The following DKK3 variants were observed in gnomAD, a reference collection of about 807,000 sequenced individuals.
DKK3 encodes dickkopf Wnt signaling pathway inhibitor 3, also known as dickkopf-related protein 3.
DKK3 carries 22 observed loss-of-function variants against 33.2 expected under a neutral mutation model. The observed-to-expected ratio is 0.66, with a 90% CI of 0.47 to 0.95. The LOEUF (loss-of-function observed/expected upper bound fraction) is 0.95, where lower values mean the gene tolerates loss of function less well. DKK3 is among the 40% of genes least tolerant of loss of function. DKK3 has a pLI of 0.00. For missense variants in DKK3, 398 were observed against 458.4 expected, an observed-to-expected ratio of 0.87 and a Z score of 1.20; for synonymous variants, 194 against 188.8, an observed-to-expected ratio of 1.03 and a Z score of -0.23.
chr11:12,002,534 A>G, intron 1 of DKK3, 97 bp from the exon 2 acceptor site: 1 of 1,329,320 alleles, frequency 7.5e-7, no homozygotes, highest in Non-Finnish European at 1.0e-6. Context: ...TTCTGCAATT[A>G]CAAAGAATGA....
intron 3 of DKK3, among the ~76,000 whole-genome samples, chr11:11,981,585 T>C (rs375889728): frequency 7.2e-5 from 11 of 152,126 alleles, no homozygotes; most frequent in African/African-American, 2.7e-4. Context: ...TCTCAGAGCT[T>C]GGCAGGTATC....
rs528288351 is a variant in DKK3, at chr11:11,976,470, G to A, written c.436-7983C>T. Among the ~76,000 whole-genome samples the A allele has an allele frequency of 3.0e-4, 45 of 152,386 alleles. 1 individual carries two copies. The highest frequency in any genetic ancestry group is 3.4e-3 in the Middle Eastern group (1 of 294). ...AGAGAAGCCCCATTTGACAGATGAGGAAACTGAGACAGTACAATGAAGTCA... is the reference window on the plus strand; with the variant it reads ...AGAGAAGCCCCATTTGACAGATGAGAAAACTGAGACAGTACAATGAAGTCA... On this transcript the variant is annotated intron_variant, in intron 3 of 6. Transcript: ENST00000683431.
intron 3 of DKK3, chr11:11,968,773 G>A (rs180972267): frequency 1.3e-4 from 38 of 301,428 alleles, no homozygotes; most frequent in Admixed American, 5.6e-4. Flanking sequence ...CACCCAGGGC[G>A]GGAGCACAGG....
rs778524278 is a variant in DKK3 at position 11,965,794 on chromosome 11, G to C, written c.830+15C>G. ...AGCCCTTGGCTCCCTGAGAGTGAGG[G>C]TTAGGGGGCCTCACCTGTGGGGCTG... is the stretch of plus-strand genomic sequence containing the variant. On this transcript the variant is annotated intron_variant, in intron 6 of 6. Coordinates refer to ENST00000683431, the MANE Select transcript of DKK3 (RefSeq NM_001018057.2). 4 of 1,613,068 alleles carry C rather than the reference G, an allele frequency of 2.5e-6. No homozygotes were observed. The highest frequency in any genetic ancestry group is 2.2e-5 in the East Asian group (1 of 44,876).
rs367896488 is a variant in DKK3 at position 12,008,517 on chromosome 11, C to A, written c.66G>T (p.Ala22=). 11 of 1,578,272 alleles carry A rather than the reference C, an allele frequency of 7.0e-6. No individual in the cohort carries two copies. The highest frequency in any genetic ancestry group is 1.8e-5 in the Admixed American group (1 of 56,692). The part of the protein sequence containing the change: ...LLAAAVPTAP[A]PAPTATSAPV... ...GAGCCGAGGTCGCCGTCGGAGCGGG[C>A]GCGGGGGCCGTGGGGACCGCCGCCG... The change falls in exon 1 of 7, where the codon GCG becomes GCT. Residue 22 remains alanine, a synonymous_variant. Coordinates refer to ENST00000683431, the MANE Select transcript of DKK3 (RefSeq NM_001018057.2). The surrounding 1 kb of genome is among the most constrained non-coding windows in gnomAD (Gnocchi z 4.6).
At chr11:12,002,171 C>A in intron 2 of DKK3, 129 bp downstream of exon 2, 1 of 1,050,448 alleles carries the variant, frequency 9.5e-7, no homozygotes, top group African/African-American at 1.6e-5. Context: ...GGTTTTCAAT[C>A]CGTATTTTAT....
intron 1 of DKK3, among the ~76,000 whole-genome samples, chr11:12,005,057 A>G (rs554654876): frequency 6.6e-6 from 1 of 152,336 alleles, no homozygotes; most frequent in African/African-American, 2.4e-5. Flanking sequence ...AGAAGACTGA[A>G]GGTGCTGGAG....
intron 3 of DKK3, among the ~76,000 whole-genome samples, chr11:11,987,593 T>C (rs977792): frequency 0.91 from 138,151 of 152,278 alleles, 62,812 homozygotes; most frequent in East Asian, 1. Context: ...AATTGATTAG[T>C]AATGTCTGCC....
At chr11:11,982,658 G>C (rs1166782033) in intron 3 of DKK3, among the ~76,000 whole-genome samples, 1 of 152,136 alleles carries the variant, frequency 6.6e-6, no homozygotes, top group African/African-American at 2.4e-5. Flanking sequence ...ACAGAGTTCT[G>C]GGCCTTCCCG....
At chr11:11,988,710 G>A (rs1210421517) in intron 3 of DKK3, among the ~76,000 whole-genome samples, 1 of 152,224 alleles carries the variant, frequency 6.6e-6, no homozygotes, top group African/African-American at 2.4e-5. Context: ...GCTCATAAAG[G>A]AGGGTGTGGA....
At chr11:12,002,551 T>C (rs1848453115) in intron 1 of DKK3, 114 bp from the exon 2 acceptor site, 1 of 1,130,852 alleles carries the variant, frequency 8.8e-7, no homozygotes, top group African/African-American at 1.5e-5. Flanking sequence ...ATGATGATGA[T>C]GATAGGTGCT....
intron 3 of DKK3, among the ~76,000 whole-genome samples, chr11:11,977,700 C>T (rs557426246): frequency 1.3e-5 from 2 of 152,136 alleles, no homozygotes. Context: ...CCAGACACAC[C>T]GAGTCCACAG....
chr11:11,995,826 C>T (rs1486547703), intron 3 of DKK3, among the ~76,000 whole-genome samples: 3 of 152,236 alleles, frequency 2.0e-5, no homozygotes, highest in Non-Finnish European at 4.4e-5. Flanking sequence ...ACATCCCCAT[C>T]AGCCGATGTG....
In DKK3 at chr11:11,968,456, C is replaced by G; in HGVS notation, c.467G>C (p.Ser156Thr). ...GAAGCTGGCAAACTGGCAGTACATG[C>G]TGGGCCCACAGTCCTCGTCGATGAT... Reference protein sequence around the residue: ...ECIIDEDCGPSMYCQFASFQY... With the variant: ...ECIIDEDCGPTMYCQFASFQY... The change falls in exon 4 of 7, where the codon AGC (serine) becomes ACC (threonine). Residue 156 changes from serine to threonine, a missense_variant. By Grantham distance (58) the Ser-to-Thr change is moderately conservative (BLOSUM62 1). Coordinates refer to ENST00000683431, the MANE Select transcript of DKK3 (RefSeq NM_001018057.2). The G allele has an allele frequency of 6.2e-7, 1 of 1,613,480 alleles. No homozygotes were observed. The highest frequency in any genetic ancestry group is 8.5e-7 in the Non-Finnish European group (1 of 1,179,688).
intron 3 of DKK3, among the ~76,000 whole-genome samples, chr11:11,977,685 A>G (rs1005395845): frequency 4.5e-4 from 69 of 152,104 alleles, no homozygotes; most frequent in African/African-American, 1.5e-3. Flanking sequence ...GCCGGGGTCT[A>G]TTCCCCAGAC....
intron 3 of DKK3, chr11:11,978,973 C>T (rs894205407): frequency 2.1e-4 from 32 of 152,236 alleles, no homozygotes; most frequent in African/African-American, 7.0e-4. Flanking sequence ...CAGCAGCTGG[C>T]TCTCCTGCTA....
chr11:11,993,058 C>G (rs1848218741), intron 3 of DKK3, among the ~76,000 whole-genome samples: 2 of 152,174 alleles, frequency 1.3e-5, no homozygotes, highest in Admixed American at 1.3e-4. Flanking sequence ...GAAAATTTGT[C>G]AGTATCTCTC....
At chr11:11,993,397 T>C (rs1028028033) in intron 3 of DKK3, among the ~76,000 whole-genome samples, 1 of 152,136 alleles carries the variant, frequency 6.6e-6, no homozygotes, top group Admixed American at 6.5e-5. Flanking sequence ...ACTTAATGTT[T>C]GATTGAAGAC....
intron 4 of DKK3, 134 bp downstream of exon 4, chr11:11,968,249 CAGCCCTCTGGGG>C (rs1847645582): frequency 3.0e-6 from 2 of 668,158 alleles, no homozygotes; most frequent in African/African-American, 3.7e-5. Flanking sequence ...CTCCAGGAGT[CAGCCCTCTGGGG>C]AGCCCTCTTG....
Sources: gnomAD v4.1 joint callset for allele counts (sites outside exome capture counted in the v4.1 genomes callset) on GRCh38, gnomAD v4.1.1 for gene constraint, Gnocchi (gnomAD v3.1) non-coding constraint, MANE v1.5 for transcripts, NCBI Gene and HGNC (gene_info 2026-07-23, HGNC 2026-07-21) for gene names.